The following SRFBP1 variants were observed in gnomAD, a reference collection of about 807,000 sequenced individuals.
SRFBP1 encodes serum response factor binding protein 1, also known as serum response factor-binding protein 1.
A neutral mutation model predicts 45.5 loss-of-function variants in SRFBP1; 47 were observed. The observed-to-expected ratio is 1.03, with a 90% CI of 0.82 to 1.32. The LOEUF (loss-of-function observed/expected upper bound fraction) is 1.32, where lower values mean the gene tolerates loss of function less well. SRFBP1 is among the 40% of genes most tolerant of loss of function. The pLI is 0.00. For missense variants in SRFBP1, 621 were observed against 484.6 expected (o/e 1.28, Z -2.64); for synonymous variants, 203 against 166.3 (o/e 1.22, Z -1.70).
At chr5:121,984,054 GT>G (rs1752470210) in intron 3 of SRFBP1, among the ~76,000 whole-genome samples, 1 of 151,696 alleles carries the variant, frequency 6.6e-6, no homozygotes, top group African/African-American at 2.4e-5. Flanking sequence ...CTTACCTATG[GT>G]TTTGTCTGAT....
exon 3 of SRFBP1, chr5:122,075,428 G>A: frequency 6.2e-7 from 1 of 1,613,498 alleles, no homozygotes; most frequent in Non-Finnish European, 8.5e-7. Context: ...CCATTCCCAG[G>A]AATATCTTGG....
At chr5:122,019,053 G>C (rs767470516) in intron 4 of SRFBP1, among the ~76,000 whole-genome samples, 1 of 152,054 alleles carries the variant, frequency 6.6e-6, no homozygotes, top group Non-Finnish European at 1.5e-5. Context: ...GATAATTTTA[G>C]TTGTTCAAAG....
intron 4 of SRFBP1, among the ~76,000 whole-genome samples, chr5:121,997,370 A>G (rs2112678932): frequency 6.6e-6 from 1 of 151,416 alleles, no homozygotes; most frequent in South Asian, 2.1e-4. Context: ...GCATACCTAT[A>G]ACTGTCTGAT....
At chr5:122,031,317 T>TA (rs1312259116), downstream of SRFBP1, among the ~76,000 whole-genome samples, 10 of 152,284 alleles carry the variant, frequency 6.6e-5, no homozygotes, top group East Asian at 1.9e-3. Context: ...ACATGTTATT[T>TA]AAAATGTCCA....
At chr5:121,973,615 TGG>T (rs751670677) in intron 1 of SRFBP1, among the ~76,000 whole-genome samples, 2 of 130,944 alleles carry the variant, frequency 1.5e-5, no homozygotes, top group African/African-American at 2.8e-5. Flanking sequence ...CATGTGTGTG[TGG>T]GGGGGGGGCA....
intron 2 of SRFBP1, among the ~76,000 whole-genome samples, chr5:122,056,277 G>A (rs1754076600): frequency 6.6e-6 from 1 of 151,002 alleles, no homozygotes. Context: ...GAGTGGTTAT[G>A]AACTTACTTA....
chr5:121,986,319 A>G (rs1184620779), intron 3 of SRFBP1, among the ~76,000 whole-genome samples: 1 of 152,032 alleles, frequency 6.6e-6, no homozygotes, highest in Non-Finnish European at 1.5e-5. Flanking sequence ...CGTGGAGATC[A>G]TCACGGGCTT....
downstream of SRFBP1, chr5:122,076,918 C>T: frequency 6.2e-7 from 1 of 1,614,036 alleles, no homozygotes; most frequent in Non-Finnish European, 8.5e-7. Flanking sequence ...TCCTCCGCCG[C>T]GCATCTCAGG....
chr5:122,014,948 T>C (rs1002090026), intron 4 of SRFBP1, among the ~76,000 whole-genome samples: 39 of 152,246 alleles, frequency 2.6e-4, no homozygotes. Flanking sequence ...ATTGTTTGAA[T>C]ACATTTTAAT....
intron 2 of SRFBP1, among the ~76,000 whole-genome samples, chr5:122,052,064 C>T (rs958049797): frequency 3.9e-5 from 6 of 152,158 alleles, no homozygotes; most frequent in Non-Finnish European, 8.8e-5. Flanking sequence ...TTAAGAATGC[C>T]GAATTAGACT....
chr5:122,067,968 G>T, intron 2 of SRFBP1, among the ~76,000 whole-genome samples: 1 of 151,986 alleles, frequency 6.6e-6, no homozygotes, highest in East Asian at 1.9e-4. Context: ...CAAAATGTAA[G>T]AAGCAAGTAT....
intron 1 of SRFBP1, among the ~76,000 whole-genome samples, chr5:121,971,396 G>A (rs754636775): frequency 1.3e-5 from 2 of 151,894 alleles, no homozygotes; most frequent in Admixed American, 6.6e-5. Context: ...AGACCTTTAG[G>A]TGTATAACTA....
intron 2 of SRFBP1, among the ~76,000 whole-genome samples, chr5:122,042,370 G>A (rs190534441): frequency 2.7e-3 from 405 of 152,138 alleles, no homozygotes; most frequent in Admixed American, 4.4e-3. Flanking sequence ...GGGTTCAAGC[G>A]ATCCTCCTAC....
intron 4 of SRFBP1, among the ~76,000 whole-genome samples, chr5:122,004,383 T>A (rs1752938372): frequency 1.3e-5 from 2 of 152,194 alleles, no homozygotes; most frequent in African/African-American, 4.8e-5. Context: ...GAACAGACTG[T>A]CCTTTCCTTA....
At chr5:121,962,931 CAAGT>C (rs1476161556) in intron 1 of SRFBP1, among the ~76,000 whole-genome samples, 7 of 152,278 alleles carry the variant, frequency 4.6e-5, no homozygotes, top group South Asian at 2.1e-4. Flanking sequence ...AACCTATACT[CAAGT>C]AAGAGAGCTA....
At position 122,020,629 on chromosome 5, in the gene SRFBP1, TA is replaced by T; in HGVS notation, c.895del (p.Ser299ValfsTer12). 1 of 1,613,908 alleles carries T rather than the reference TA, an allele frequency of 6.2e-7. No individual in the cohort carries two copies. The highest frequency in any genetic ancestry group is 8.5e-7 in the Non-Finnish European group (1 of 1,179,944). ...KVRRTRKKESSCHSSVKEQKP... is the reference protein window; with the variant it reads ...KVRRTRKKESXCHSSVKEQKP... ...TCAGACGGACACGAAAGAAGGAAAGTAGTTGTCATTCTTCAGTTAAGGAACA... is the reference window on the plus strand; with the variant it reads ...TCAGACGGACACGAAAGAAGGAAAGTGTTGTCATTCTTCAGTTAAGGAACA... On this transcript the variant is annotated frameshift_variant, in exon 6 of 8. Transcript: ENST00000339397. LOFTEE classifies it high-confidence loss of function.
At chr5:122,074,933 G>C (rs1391015610) in intron 2 of SRFBP1, among the ~76,000 whole-genome samples, 2 of 152,156 alleles carry the variant, frequency 1.3e-5, no homozygotes, top group Non-Finnish European at 2.9e-5. Flanking sequence ...GGATAGAAAA[G>C]GCAACCACCT....
chr5:121,969,719 C>T (rs1752148856), intron 1 of SRFBP1, among the ~76,000 whole-genome samples: 1 of 152,000 alleles, frequency 6.6e-6, no homozygotes, highest in Non-Finnish European at 1.5e-5. Flanking sequence ...TATAGATTGT[C>T]TTAAATGCAT....
Position 121,961,984 on chromosome 5 carries a change from G to C in SRFBP1, c.-49G>C. 1 of 1,612,578 alleles carries C rather than the reference G, an allele frequency of 6.2e-7. No homozygotes were observed. Among genetic ancestry groups the C allele is most frequent in the Non-Finnish European group, 8.5e-7 (1 of 1,179,132 alleles). ...GCGTGGCGACGCAGCCGCGGTCTGA[G>C]AGACCGGTTCACGTGCAGGCAGCGG... On this transcript the variant is annotated 5_prime_UTR_variant, in exon 1 of 8. Transcript: ENST00000339397.
Sources: allele counts gnomAD v4.1 joint callset (sites outside exome capture counted in the v4.1 genomes callset), GRCh38; gene constraint gnomAD v4.1.1; transcripts MANE v1.5; gene names NCBI Gene and HGNC (gene_info 2026-07-23, HGNC 2026-07-21).